The following SERPINB2 variants were observed in gnomAD, a reference collection of about 807,000 sequenced individuals.
The protein encoded by SERPINB2 is plasminogen activator inhibitor 2.
Under a neutral mutation model 39.4 loss-of-function variants are expected in SERPINB2, and 28 were observed. The ratio of observed to expected loss-of-function variants is 0.71; its 90% CI spans 0.53 to 0.97. The LOEUF (loss-of-function observed/expected upper bound fraction) is 0.97. Ranked by LOEUF, SERPINB2 falls within the 50% of genes least tolerant of loss-of-function variation. The pLI, the probability that SERPINB2 is intolerant of heterozygous loss-of-function variation, is 0.00. For synonymous variants in SERPINB2, 209 were observed against 175.1 expected (o/e 1.19, Z -1.53); for missense variants, 557 against 505.3 (o/e 1.10, Z -0.98).
intron 5 of SERPINB2, 30 bp downstream of exon 5, chr18:63,897,874 C>A (rs757844942): frequency 3.6e-6 from 5 of 1,398,058 alleles, no homozygotes; most frequent in South Asian, 1.2e-5. Flanking sequence ...TTATTTACTT[C>A]TTTCCAGTTA....
At chr18:63,891,352 C>A in intron 1 of SERPINB2, 84 bp from the exon 2 acceptor site, 2 of 1,363,334 alleles carry the variant, frequency 1.5e-6, no homozygotes, top group South Asian at 2.6e-5. Context: ...ACACAGAATG[C>A]AGCCTGTCCT....
chr18:63,901,589 A>T (rs2049991230), intron 5 of SERPINB2, 151 bp from the exon 6 acceptor site: 1 of 491,920 alleles, frequency 2.0e-6, no homozygotes, highest in Non-Finnish European at 3.3e-6. Context: ...TTCAATTTTA[A>T]TTTTGCTTTA....
chr18:63,901,463 G>C (rs1010055217), intron 5 of SERPINB2, among the ~76,000 whole-genome samples: 9 of 152,092 alleles, frequency 5.9e-5, no homozygotes, highest in African/African-American at 2.2e-4. Flanking sequence ...CAAGCTTTGA[G>C]AAAAGAATAT....
intron 4 of SERPINB2, 125 bp downstream of exon 4, chr18:63,897,344 G>T: frequency 1.7e-6 from 2 of 1,166,424 alleles, no homozygotes. Context: ...GCTCCCTAGG[G>T]CTGGCCTTGC....
chr18:63,902,853 T>C, intron 7 of SERPINB2, 48 bp from the exon 8 acceptor site: 2 of 1,478,490 alleles, frequency 1.4e-6, no homozygotes, highest in African/African-American at 1.4e-5. Context: ...TTCTTTCTAA[T>C]ACTTGCTGTA....
chr18:63,897,821 C>A lies in SERPINB2; in HGVS notation c.512C>A (p.Ser171Tyr). 6.2e-7 allele frequency: 1 copy of A among 1,609,614 alleles called. No individual in the cohort carries two copies. Among genetic ancestry groups the A allele is most frequent in the Non-Finnish European group, 8.5e-7 (1 of 1,176,366 alleles). ...CAEEARKKINSWVKTQTKGKI... is the reference protein window; with the variant it reads ...CAEEARKKINYWVKTQTKGKI... ...GAAGAAGCTAGAAAAAAGATTAATT[C>A]CTGGGTCAAGACTCAAACCAAAGGT... The change falls in exon 5 of 8, where the codon TCC becomes TAC. Residue 171 changes from serine (S) to tyrosine (Y), a missense_variant. By Grantham distance (144) the Ser-to-Tyr change is moderately radical. Coordinates refer to ENST00000299502, the MANE Select transcript of SERPINB2 (RefSeq NM_002575.3).
chr18:63,895,454 G>A, intron 3 of SERPINB2, 71 bp downstream of exon 3: 6 of 1,592,134 alleles, frequency 3.8e-6, no homozygotes, highest in Middle Eastern at 1.7e-4. Flanking sequence ...AAGCCACAGT[G>A]TCAGACTGGG....
chr18:63,893,954 A>G lies in SERPINB2; in HGVS notation c.169-1310A>G, dbSNP rs908336807. On this transcript the variant is annotated intron_variant, in intron 2 of 7. Coordinates refer to ENST00000299502, the MANE Select transcript of SERPINB2 (RefSeq NM_002575.3). ...GTTAGAAGTGGTACATTTGTAGTGAAAGAAAAGAATACATAAAAGATATAA... is the reference window on the plus strand; with the variant it reads ...GTTAGAAGTGGTACATTTGTAGTGAGAGAAAAGAATACATAAAAGATATAA... 2.6e-5 allele frequency among the ~76,000 whole-genome samples: 4 copies of G among 152,298 alleles called. No homozygotes were observed. In the East Asian group the frequency reaches 5.8e-4, roughly 22 times the overall value.
chr18:63,892,581 G>T (rs2049933747), intron 2 of SERPINB2: 1 of 152,186 alleles, frequency 6.6e-6, no homozygotes, highest in South Asian at 2.1e-4. Flanking sequence ...GTCACACCAA[G>T]ATGCCGCCGG....
chr18:63,889,227 A>T (rs2049910165), intron 1 of SERPINB2, among the ~76,000 whole-genome samples: 1 of 152,266 alleles, frequency 6.6e-6, no homozygotes, highest in African/African-American at 2.4e-5. Context: ...TGCCATACAG[A>T]CATCAAATAT....
At chr18:63,902,379 A>G (rs762787661) in intron 6 of SERPINB2, 25 bp from the exon 7 acceptor site, 2 of 1,527,050 alleles carry the variant, frequency 1.3e-6, no homozygotes, top group Admixed American at 2.1e-5. Context: ...ATCGACTTCC[A>G]TATTTTACCT....
At chr18:63,894,679 A>G (rs953667059) in intron 2 of SERPINB2, among the ~76,000 whole-genome samples, 7 of 152,206 alleles carry the variant, frequency 4.6e-5, no homozygotes, top group African/African-American at 1.7e-4. Context: ...CTGCCTACTT[A>G]CTATACGAAG....
chr18:63,888,552 A>T (rs2049906578), intron 1 of SERPINB2, among the ~76,000 whole-genome samples: 1 of 152,220 alleles, frequency 6.6e-6, no homozygotes, highest in African/African-American at 2.4e-5. Context: ...TCCACTGTCT[A>T]ATTGTAAACA....
chr18:63,889,436 A>G (rs1036987091), intron 1 of SERPINB2, among the ~76,000 whole-genome samples: 5 of 152,198 alleles, frequency 3.3e-5, no homozygotes, highest in Non-Finnish European at 5.9e-5. Flanking sequence ...TATTTTTACT[A>G]TCAAAGTTAC....
Position 63,903,264 on chromosome 18 carries a change from A to G in SERPINB2, c.1207A>G (p.Thr403Ala). The change falls in exon 8 of 8, where the codon ACC (threonine) becomes GCC (alanine). Residue 403 changes from threonine (T) to alanine (A), a missense_variant. Coordinates refer to ENST00000299502, the MANE Select transcript of SERPINB2 (RefSeq NM_002575.3). ...PFLFLIMHKI[T>A]NCILFFGRFS... is the part of the protein sequence containing the mutation. ...TCTTTTTCTTATTATGCATAAGATA[A>G]CCAACTGCATTTTATTTTTCGGCAG... 6 of 1,563,860 alleles carry G rather than the reference A, an allele frequency of 3.8e-6. No homozygotes were observed. Among genetic ancestry groups the G allele is most frequent in the South Asian group, 1.2e-5 (1 of 83,144 alleles).
chr18:63,897,942 A>G (rs2049971130), intron 5 of SERPINB2, 98 bp downstream of exon 5: 2 of 787,016 alleles, frequency 2.5e-6, no homozygotes, highest in Middle Eastern at 2.8e-4. Context: ...ACCCCTTTAC[A>G]ATTTGTCCAA....
chr18:63,888,360 A>G (rs117802885), intron 1 of SERPINB2, among the ~76,000 whole-genome samples: 68 of 152,354 alleles, frequency 4.5e-4, no homozygotes, highest in Middle Eastern at 6.8e-3. Context: ...TGACTGAAGT[A>G]TGGTTCAGTA....
intron 2 of SERPINB2, among the ~76,000 whole-genome samples, chr18:63,893,210 G>A (rs2049938002): frequency 6.6e-6 from 1 of 152,226 alleles, no homozygotes; most frequent in African/African-American, 2.4e-5. Context: ...TTATAGGCGT[G>A]AGCCAGTGCA....
chr18:63,890,376 G>A (rs2049918093), intron 1 of SERPINB2, among the ~76,000 whole-genome samples: 1 of 152,152 alleles, frequency 6.6e-6, no homozygotes, highest in South Asian at 2.1e-4. Context: ...TTCGGGGAAG[G>A]CACTGTCATA....
Sources: allele counts gnomAD v4.1 joint callset (sites outside exome capture counted in the v4.1 genomes callset), GRCh38; gene constraint gnomAD v4.1.1; transcripts MANE v1.5; gene names NCBI Gene and HGNC (gene_info 2026-07-23, HGNC 2026-07-21).